POU2AF1: variants seen among roughly 807,000 people sequenced by gnomAD.
The protein encoded by POU2AF1 is POU class 2 homeobox associating factor 1.
In POU2AF1, 12 loss-of-function variants were observed where a neutral mutation model predicts 26.3. That is an observed-to-expected ratio of 0.46 (90% CI 0.29 to 0.74). The LOEUF is 0.74. Among genes scored for constraint, POU2AF1 ranks in the 30% least tolerant of loss-of-function variants. The pLI, the probability that POU2AF1 is intolerant of heterozygous loss-of-function variation, is 0.09. For synonymous variants in POU2AF1, 175 were observed against 148.0 expected (o/e 1.18, Z -1.32); for missense variants, 297 against 334.5 (o/e 0.89, Z 0.87).
At chr11:111,375,566 T>A (rs1861294912) in intron 1 of POU2AF1, among the ~76,000 whole-genome samples, 2 of 151,850 alleles carry the variant, frequency 1.3e-5, no homozygotes, top group Non-Finnish European at 2.9e-5. Flanking sequence ...CCCCAGCTAA[T>A]TTTTTTGTAT....
At chr11:111,355,942 T>C (rs76988807) in intron 4 of POU2AF1, among the ~76,000 whole-genome samples, 3,618 of 152,296 alleles carry the variant, frequency 0.024, 163 homozygotes, top group African/African-American at 0.082. Flanking sequence ...AAATTCTACA[T>C]TTCCCAGTCA....
At chr11:111,356,023 C>T (rs1860838542) in intron 4 of POU2AF1, among the ~76,000 whole-genome samples, 1 of 152,250 alleles carries the variant, frequency 6.6e-6, no homozygotes, top group Non-Finnish European at 1.5e-5. Flanking sequence ...CAGGTCTTAT[C>T]TCTGCTGATC....
chr11:111,375,663 T>A (rs1861297823), intron 1 of POU2AF1, among the ~76,000 whole-genome samples: 1 of 152,108 alleles, frequency 6.6e-6, no homozygotes, highest in Admixed American at 6.5e-5. Flanking sequence ...CCTCCCAAAG[T>A]GCTGGGATTA....
At chr11:111,368,542 T>A (rs1329605423) in intron 1 of POU2AF1, among the ~76,000 whole-genome samples, 1 of 152,140 alleles carries the variant, frequency 6.6e-6, no homozygotes, top group Non-Finnish European at 1.5e-5. Flanking sequence ...AAGATCCAAA[T>A]CTGCAGAGGC....
At chr11:111,376,855 T>C (rs553762048) in intron 1 of POU2AF1, among the ~76,000 whole-genome samples, 3 of 152,252 alleles carry the variant, frequency 2.0e-5, no homozygotes, top group African/African-American at 7.2e-5. Flanking sequence ...TACCACATAC[T>C]TGGGTTCAGG....
intron 1 of POU2AF1, among the ~76,000 whole-genome samples, 191 bp from the exon 2 acceptor site, chr11:111,359,109 C>T (rs888748833): frequency 6.6e-6 from 1 of 152,212 alleles, no homozygotes; most frequent in Non-Finnish European, 1.5e-5. Context: ...GGGTCCCCTG[C>T]ACCCAGACAA....
chr11:111,373,726 A>T (rs1591205915), intron 1 of POU2AF1, among the ~76,000 whole-genome samples: 1 of 134,100 alleles, frequency 7.5e-6, no homozygotes, highest in South Asian at 2.6e-4. Context: ...TGTAGAATGG[A>T]AAGTAAAACC....
At chr11:111,365,747 C>T (rs1429518975) in intron 1 of POU2AF1, among the ~76,000 whole-genome samples, 1 of 152,020 alleles carries the variant, frequency 6.6e-6, no homozygotes, top group East Asian at 1.9e-4. Context: ...ATCTCAGCTA[C>T]TCAGGAGGCT....
intron 1 of POU2AF1, chr11:111,359,170 C>G: frequency 1.7e-6 from 1 of 601,812 alleles, no homozygotes; most frequent in South Asian, 2.1e-5. Context: ...GAATGAGATC[C>G]GAACCCATTT....
intron 1 of POU2AF1, 98 bp downstream of exon 1, chr11:111,379,064 T>G: frequency 7.4e-7 from 1 of 1,344,440 alleles, no homozygotes. Context: ...CGTGGCCCCA[T>G]CACCTCCACC....
rs370123695 is a variant in POU2AF1, at chr11:111,358,825, C to G, written c.110G>C (p.Gly37Ala). 6.2e-6 allele frequency: 10 copies of G among 1,607,032 alleles called. No individual in the cohort carries two copies. In the East Asian group the frequency reaches 2.2e-4, roughly 36 times the overall value. The part of the protein sequence containing the change: ...PVKELLRRKR[G>A]HASSGAAPAP... Reference sequence around the variant, plus strand: ...AGGTGCTGCCCCACTGCTGGCGTGGCCTCGCTTCCTCCTCAGCAGTTCCTT... The same window carrying G: ...AGGTGCTGCCCCACTGCTGGCGTGGGCTCGCTTCCTCCTCAGCAGTTCCTT... Residue 37 changes from glycine (G) to alanine (A), a missense_variant, in exon 2 of 5, where the codon GGC (glycine) becomes GCC (alanine). Coordinates refer to ENST00000393067, the MANE Select transcript of POU2AF1 (RefSeq NM_006235.3).
At chr11:111,364,104 G>A (rs561931700) in intron 1 of POU2AF1, 1 of 634,172 alleles carries the variant, frequency 1.6e-6, no homozygotes, top group South Asian at 7.1e-5. Context: ...AACAAAATCT[G>A]TAGGTACAAA....
chr11:111,363,824 C>T, intron 1 of POU2AF1: 1 of 985,306 alleles, frequency 1.0e-6, no homozygotes, highest in Non-Finnish European at 1.2e-6. Context: ...AAGCCTGAAG[C>T]TTTCTCACCA....
chr11:111,357,887 G>A lies in POU2AF1; in HGVS notation c.148-50C>T, dbSNP rs758113178. On this transcript the variant is annotated intron_variant, in intron 2 of 4. Coordinates refer to ENST00000393067, the MANE Select transcript of POU2AF1 (RefSeq NM_006235.3). ...GGTCAATGTTTAGCCCTCGTCAACC[G>A]GCCCTGTGCAGAGAACTTGCCCAGA... 1.6e-4 allele frequency: 246 copies of A among 1,533,232 alleles called. 1 individual carries two copies. The highest frequency in any genetic ancestry group is 1.9e-4 in the Non-Finnish European group (216 of 1,138,340). The allele number at this position is 1,533,232 out of a possible 1,614,324, so 95.0% of individuals were successfully genotyped here.
intron 4 of POU2AF1, among the ~76,000 whole-genome samples, chr11:111,354,999 G>C (rs1476094385): frequency 6.6e-6 from 1 of 152,130 alleles, no homozygotes; most frequent in Non-Finnish European, 1.5e-5. Flanking sequence ...TTAAACCACA[G>C]CCTGGAAGCT....
intron 1 of POU2AF1, 111 bp from the exon 2 acceptor site, chr11:111,359,029 G>A: frequency 2.0e-6 from 3 of 1,468,688 alleles, no homozygotes; most frequent in Non-Finnish European, 2.7e-6. Flanking sequence ...GCTTGAACAC[G>A]GAGAACCACG....
chr11:111,359,097 G>A (rs538566960), intron 1 of POU2AF1, among the ~76,000 whole-genome samples, 179 bp from the exon 2 acceptor site: 1 of 152,278 alleles, frequency 6.6e-6, no homozygotes, highest in South Asian at 2.1e-4. Flanking sequence ...CAAACCTTCT[G>A]TGGGTCCCCT....
chr11:111,378,093 A>G (rs1338406125), intron 1 of POU2AF1, among the ~76,000 whole-genome samples: 2 of 152,204 alleles, frequency 1.3e-5, no homozygotes, highest in Non-Finnish European at 2.9e-5. Context: ...CAAACAATAA[A>G]TTGGTGATGA....
chr11:111,354,673 T>C (rs912860560), intron 4 of POU2AF1, 98 bp from the exon 5 acceptor site: 1 of 1,085,696 alleles, frequency 9.2e-7, no homozygotes, highest in African/African-American at 1.6e-5. Flanking sequence ...CCTTCAATTC[T>C]GCCCTTTCCT....
Sources: allele counts gnomAD v4.1 joint callset (sites outside exome capture counted in the v4.1 genomes callset), GRCh38; gene constraint gnomAD v4.1.1; transcripts MANE v1.5; gene names NCBI Gene and HGNC (gene_info 2026-07-23, HGNC 2026-07-21).